Variants in TNNI3K observed in about 807,000 individuals in gnomAD.
The protein encoded by TNNI3K is serine/threonine-protein kinase TNNI3K.
A neutral mutation model predicts 114.5 loss-of-function variants in TNNI3K; 140 were observed. That is an observed-to-expected ratio of 1.22 (90% CI 1.07 to 1.41). The LOEUF (loss-of-function observed/expected upper bound fraction) is 1.41, where lower values mean the gene tolerates loss of function less well. Ranked by LOEUF, TNNI3K falls within the 40% of genes most tolerant of loss-of-function variation. The pLI, the probability that TNNI3K is intolerant of heterozygous loss-of-function variation, is 0.00. For missense variants in TNNI3K, 1,125 were observed against 1,007.6 expected, an observed-to-expected ratio of 1.12 and a Z score of -1.58; for synonymous variants, 347 against 347.5, an observed-to-expected ratio of 1.00 and a Z score of 0.02.
intron 17 of TNNI3K, among the ~76,000 whole-genome samples, chr1:74,430,557 T>C (rs953987350): frequency 1.3e-5 from 2 of 152,164 alleles, no homozygotes; most frequent in Admixed American, 6.6e-5. Flanking sequence ...ATGGATTCTA[T>C]TCACATCGCT....
intron 23 of TNNI3K, among the ~76,000 whole-genome samples, chr1:74,512,248 A>T (rs1488702977): frequency 2.0e-5 from 3 of 152,146 alleles, no homozygotes; most frequent in Non-Finnish European, 2.9e-5. Flanking sequence ...GGAGCTAGGG[A>T]TAATATGGTA....
chr1:74,264,777 G>C (rs1218749067), intron 4 of TNNI3K, among the ~76,000 whole-genome samples: 2 of 152,014 alleles, frequency 1.3e-5, no homozygotes, highest in African/African-American at 4.8e-5. Context: ...TCTTGGGACA[G>C]AGTGGACTAA....
At chr1:74,333,916 A>G (rs569972641) in intron 6 of TNNI3K, among the ~76,000 whole-genome samples, 145 of 152,334 alleles carry the variant, frequency 9.5e-4, no homozygotes, top group Admixed American at 3.0e-3. Context: ...TTAGGCATGC[A>G]AGGTTCTTGA....
chr1:74,287,927 A>G (rs1657433413), intron 5 of TNNI3K, among the ~76,000 whole-genome samples: 1 of 152,128 alleles, frequency 6.6e-6, no homozygotes. Flanking sequence ...TGTGCAAAAA[A>G]CCTGAAAAGA....
At chr1:74,492,586 C>T (rs1379936860) in intron 23 of TNNI3K, among the ~76,000 whole-genome samples, 2 of 152,094 alleles carry the variant, frequency 1.3e-5, no homozygotes. Context: ...TGTGTGGAAA[C>T]CAGGAAACAG....
chr1:74,398,435 T>G (rs1380487992), intron 17 of TNNI3K, among the ~76,000 whole-genome samples: 2 of 152,250 alleles, frequency 1.3e-5, no homozygotes, highest in East Asian at 3.9e-4. Flanking sequence ...AATAAGTGTG[T>G]GGGGGTTGTG....
chr1:74,347,967 G>A (rs534483284), intron 9 of TNNI3K, among the ~76,000 whole-genome samples: 11 of 152,156 alleles, frequency 7.2e-5, no homozygotes, highest in African/African-American at 2.4e-4. Context: ...CTCTGATGGT[G>A]GTTTCTTTTG....
intron 17 of TNNI3K, among the ~76,000 whole-genome samples, chr1:74,430,501 G>C (rs1282711227): frequency 6.6e-6 from 1 of 152,020 alleles, no homozygotes; most frequent in Non-Finnish European, 1.5e-5. Flanking sequence ...ATTCATGTCT[G>C]AATGTGAACC....
chr1:74,280,963 C>T (rs1336080658), intron 5 of TNNI3K, among the ~76,000 whole-genome samples: 7 of 152,008 alleles, frequency 4.6e-5, no homozygotes, highest in Admixed American at 3.9e-4. Context: ...TGTCTTGCAA[C>T]TTGGGTAACC....
chr1:74,507,404 T>C (rs1296650120), intron 23 of TNNI3K, among the ~76,000 whole-genome samples: 3 of 152,164 alleles, frequency 2.0e-5, no homozygotes, highest in African/African-American at 7.2e-5. Context: ...TTGTAATTAT[T>C]GATGTCTTTG....
chr1:74,355,359 A>G (rs928390968), intron 11 of TNNI3K, among the ~76,000 whole-genome samples: 1 of 152,158 alleles, frequency 6.6e-6, no homozygotes, highest in Non-Finnish European at 1.5e-5. Context: ...TAATCCCAAC[A>G]CTTTGGGAGG....
intron 4 of TNNI3K, among the ~76,000 whole-genome samples, chr1:74,269,168 C>G (rs528585257): frequency 5.4e-4 from 82 of 151,972 alleles, no homozygotes; most frequent in African/African-American, 1.7e-3. Flanking sequence ...CCTGATTAAC[C>G]AGTTTAAAAT....
At chr1:74,512,480 A>G (rs1188079660) in intron 23 of TNNI3K, 2 of 152,204 alleles carry the variant, frequency 1.3e-5, no homozygotes, top group African/African-American at 2.4e-5. Flanking sequence ...AGGTGTAAAA[A>G]TCCAGCCATC....
intron 17 of TNNI3K, among the ~76,000 whole-genome samples, chr1:74,390,913 G>A (rs1223513484): frequency 6.9e-6 from 1 of 144,794 alleles, no homozygotes; most frequent in Non-Finnish European, 1.5e-5. Flanking sequence ...GAAATAATGA[G>A]TCAGCAAGTG....
intron 5 of TNNI3K, among the ~76,000 whole-genome samples, chr1:74,289,697 A>C (rs1264594947): frequency 6.6e-6 from 1 of 151,990 alleles, no homozygotes; most frequent in East Asian, 1.9e-4. Flanking sequence ...CAAACTGTCA[A>C]GATAAATAAG....
intron 17 of TNNI3K, among the ~76,000 whole-genome samples, chr1:74,427,045 T>A (rs1160907177): frequency 1.3e-5 from 2 of 152,114 alleles, no homozygotes; most frequent in African/African-American, 4.8e-5. Context: ...AATTCTAAAA[T>A]ATTGCTTGCT....
intron 5 of TNNI3K, among the ~76,000 whole-genome samples, chr1:74,281,334 ATGTGTGTGTGTGTGTGTG>A (rs149830701): frequency 1.4e-5 from 2 of 147,940 alleles, no homozygotes; most frequent in Non-Finnish European, 3.0e-5. Context: ...ACAATAATAG[ATGTGTGTGTGTGTGTGTG>A]TGTGTGTGTA....
At chr1:74,436,268 T>A (rs1037804877) in intron 18 of TNNI3K, 136 bp downstream of exon 18, 6 of 1,271,884 alleles carry the variant, frequency 4.7e-6, no homozygotes, top group Non-Finnish European at 6.5e-6. Flanking sequence ...TATCCTACCA[T>A]AAATCATTCA....
chr1:74,353,538 T>G (rs1661494395), intron 10 of TNNI3K, among the ~76,000 whole-genome samples, 178 bp downstream of exon 10: 1 of 152,128 alleles, frequency 6.6e-6, no homozygotes, highest in Non-Finnish European at 1.5e-5. Flanking sequence ...AGACTGACTT[T>G]TTGGTCAATT....
Sources: gnomAD v4.1 joint callset for allele counts (sites outside exome capture counted in the v4.1 genomes callset) on GRCh38, gnomAD v4.1.1 for gene constraint, MANE v1.5 for transcripts, NCBI Gene and HGNC (gene_info 2026-07-23, HGNC 2026-07-21) for gene names.